The following DGKD variants were observed in gnomAD, a reference collection of about 807,000 sequenced individuals.
DGKD encodes DAG kinase delta.
Under a neutral mutation model 154.4 loss-of-function variants are expected in DGKD, and 68 were observed. The ratio of observed to expected loss-of-function variants is 0.44; its 90% confidence interval spans 0.36 to 0.54. The LOEUF (loss-of-function observed/expected upper bound fraction) is 0.54, where lower values mean the gene tolerates loss of function less well. Among genes scored for constraint, DGKD ranks in the 20% least tolerant of loss-of-function variants. DGKD has a pLI of 0.00. For missense variants in DGKD, 1,343 were observed against 1,593.6 expected, an observed-to-expected ratio of 0.84 and a Z score of 2.68; for synonymous variants, 693 against 638.0, an observed-to-expected ratio of 1.09 and a Z score of -1.30.
chr2:233,453,843 C>T lies in DGKD; in HGVS notation c.2265-920C>T, dbSNP rs560970990. Among the ~76,000 whole-genome samples the T allele has an allele frequency of 4.1e-5, 6 of 147,568 alleles. No homozygotes were observed. The East Asian group carries it at 1.2e-3, about 29-fold the overall frequency. ...GGGGAGAAGAAACTTGAATGAGTCTCTTCTCGTCTGTCGCACACGGGGAAA... is the reference window on the plus strand; with the variant it reads ...GGGGAGAAGAAACTTGAATGAGTCTTTTCTCGTCTGTCGCACACGGGGAAA... On this transcript the variant is annotated intron_variant, in intron 18 of 29. Transcript: ENST00000264057.
At chr2:233,388,491 G>A in intron 2 of DGKD, 124 bp downstream of exon 2, 1 of 862,614 alleles carries the variant, frequency 1.2e-6, no homozygotes, top group East Asian at 2.7e-5. Context: ...TTGCCAGTGA[G>A]TTTTGTAACA....
intron 24 of DGKD, among the ~76,000 whole-genome samples, chr2:233,461,725 C>T (rs867066466): frequency 1.3e-5 from 2 of 152,392 alleles, no homozygotes; most frequent in Middle Eastern, 6.8e-3. Context: ...AAGCTGCTGG[C>T]AGCGGCCTGT....
At position 233,423,103 on chromosome 2, in the gene DGKD, TTATTACTGAGTAG is replaced by T. The variant is rs377045943; in HGVS notation, c.349-11272_349-11260del. ...GAGTCTTATCAGTGGTTGTTCCTTT[TTATTACTGAGTAG>T]TATTCCACGGGTGTACCACAGTTTG... On this transcript the variant is annotated intron_variant, in intron 3 of 29. Coordinates refer to ENST00000264057, the MANE Select transcript of DGKD (RefSeq NM_152879.3). Among the ~76,000 whole-genome samples, 1,448 of 152,344 alleles carry T rather than the reference TTATTACTGAGTAG, an allele frequency of 9.5e-3. 13 individuals carry two copies. The highest frequency in any genetic ancestry group is 0.027 in the Admixed American group (406 of 15,304).
At chr2:233,423,140 T>C (rs1445332221) in intron 3 of DGKD, among the ~76,000 whole-genome samples, 1 of 152,216 alleles carries the variant, frequency 6.6e-6, no homozygotes, top group East Asian at 1.9e-4. Context: ...TACCACAGTT[T>C]GTTAATCATT....
intron 1 of DGKD, among the ~76,000 whole-genome samples, chr2:233,361,531 C>T (rs991813317): frequency 1.3e-5 from 2 of 152,162 alleles, no homozygotes; most frequent in Admixed American, 1.3e-4. Flanking sequence ...TAGACAGACC[C>T]ACAGGGCTTC....
chr2:233,412,217 A>G (rs2061846553), intron 3 of DGKD, among the ~76,000 whole-genome samples: 1 of 152,240 alleles, frequency 6.6e-6, no homozygotes, highest in South Asian at 2.1e-4. Flanking sequence ...TCTTAATAAC[A>G]TTGAATCTTT....
intron 24 of DGKD, among the ~76,000 whole-genome samples, chr2:233,461,018 TAAAAAA>T: frequency 7.3e-6 from 1 of 137,568 alleles, no homozygotes; most frequent in East Asian, 2.1e-4. Context: ...AAGTTTACTT[TAAAAAA>T]AAAAAAAAAA....
intron 2 of DGKD, among the ~76,000 whole-genome samples, chr2:233,389,185 T>C (rs557978005): frequency 2.6e-5 from 4 of 152,358 alleles, no homozygotes; most frequent in African/African-American, 9.6e-5. Context: ...GAGCTGAGCT[T>C]CTTGATGTGT....
Position 233,445,658 on chromosome 2 carries a change from C to G in DGKD, c.1230C>G (p.Asn410Lys). ...QLGVLPLGTG[N>K]DLARVLGWGS... Reference sequence around the variant, plus strand: ...GAGTGCTGCCGCTCGGCACAGGGAACGACTTGGCCCGAGTACTGGGCTGGG... The same window carrying G: ...GAGTGCTGCCGCTCGGCACAGGGAAGGACTTGGCCCGAGTACTGGGCTGGG... Residue 410 changes from asparagine (N) to lysine (K), a missense_variant, in exon 11 of 30, where the codon AAC becomes AAG. Coordinates refer to ENST00000264057, the MANE Select transcript of DGKD (RefSeq NM_152879.3). The surrounding 1 kb of genome is among the most constrained non-coding windows in gnomAD (Gnocchi z 5.5). 6.2e-7 allele frequency: 1 copy of G among 1,612,766 alleles called. No individual in the cohort carries two copies. The highest frequency in any genetic ancestry group is 8.5e-7 in the Non-Finnish European group (1 of 1,179,368).
At chr2:233,469,053 C>T (rs1259403296) in intron 29 of DGKD, among the ~76,000 whole-genome samples, 1 of 152,190 alleles carries the variant, frequency 6.6e-6, no homozygotes, top group Admixed American at 6.5e-5. Context: ...CCCGAGAGGG[C>T]AAAAGGCCAC....
At chr2:233,409,369 A>G (rs1442963069) in intron 3 of DGKD, among the ~76,000 whole-genome samples, 1 of 152,080 alleles carries the variant, frequency 6.6e-6, no homozygotes, top group African/African-American at 2.4e-5. Flanking sequence ...TTCTTTGAGA[A>G]AAGACCTGGG....
intron 1 of DGKD, among the ~76,000 whole-genome samples, chr2:233,356,480 C>G (rs1701539337): frequency 6.6e-6 from 1 of 152,162 alleles, no homozygotes; most frequent in African/African-American, 2.4e-5. Context: ...AGGCAAGGTA[C>G]TGACCAGTGT....
Position 233,390,407 on chromosome 2 carries a change from T to C in DGKD, c.272T>C (p.Ile91Thr). The C allele has an allele frequency of 6.2e-7, 1 of 1,613,790 alleles. No homozygotes were observed. Among genetic ancestry groups the C allele is most frequent in the Non-Finnish European group, 8.5e-7 (1 of 1,179,794 alleles). The change falls in exon 3 of 30, where the codon ATC becomes ACC. Residue 91 changes from isoleucine (I) to threonine (T), a missense_variant. Physicochemically the swap from Ile to Thr is moderately conservative, Grantham distance 89. Around this residue, in one of 6 missense-constraint regions of DGKD, gnomAD observed 332 missense variants for 400.1 expected, o/e 0.83. Transcript: ENST00000264057. ...CCTGTGTTTGTCTCTTTCTAGTCAA[T>C]CATATTTGATGAGGTGGATCTGACA... The part of the protein sequence containing the change: ...TLYYAKTAKS[I>T]IFDEVDLTDA...
At position 233,470,493 on chromosome 2, in the gene DGKD, C is replaced by A. The variant is rs73997607; in HGVS notation, c.*1033C>A. The A allele has an allele frequency of 0.03, 4,643 of 152,852 alleles. 228 individuals carry two copies. Among genetic ancestry groups the A allele is most frequent in the African/African-American group, 0.11 (4,429 of 41,552 alleles). 9.5% of individuals were successfully genotyped at this position (152,852 alleles called of 1,614,324 possible). ...TGTCGCCTGCTGCTGGGCGTGATGT[C>A]GCTGGAGGTGCTGGCAGGGACTCTG... is the stretch of plus-strand genomic sequence containing the variant. On this transcript the variant is annotated 3_prime_UTR_variant, in exon 30 of 30. Transcript: ENST00000264057.
chr2:233,459,941 G>A lies in DGKD; in HGVS notation c.2829+50G>A, dbSNP rs1206938129. The A allele has an allele frequency of 6.3e-7, 1 of 1,589,180 alleles. No individual in the cohort carries two copies. Among genetic ancestry groups the A allele is most frequent in the Admixed American group, 1.8e-5 (1 of 55,712 alleles). On this transcript the variant is annotated intron_variant, in intron 23 of 29. Coordinates refer to ENST00000264057, the MANE Select transcript of DGKD (RefSeq NM_152879.3). The surrounding 1 kb of genome is among the most constrained non-coding windows in gnomAD (Gnocchi z 5.7). ...TGGGTGGGGTACAGGGCTCACCTGT[G>A]GGCTCTTGTGTGCACTGTTAAGAGC...
At chr2:233,432,532 G>T (rs188506383) in intron 3 of DGKD, among the ~76,000 whole-genome samples, 1 of 152,128 alleles carries the variant, frequency 6.6e-6, no homozygotes, top group Non-Finnish European at 1.5e-5. Context: ...GGTGGCGGGC[G>T]CCTGTAGTCC....
intron 3 of DGKD, among the ~76,000 whole-genome samples, chr2:233,411,094 A>G (rs536119639): frequency 5.3e-5 from 8 of 152,104 alleles, no homozygotes; most frequent in African/African-American, 1.7e-4. Context: ...TGTCTATTCT[A>G]TTGGTGGGCA....
intron 19 of DGKD, among the ~76,000 whole-genome samples, chr2:233,456,086 C>T (rs989369357): frequency 6.6e-6 from 1 of 152,212 alleles, no homozygotes; most frequent in African/African-American, 2.4e-5. Context: ...TCAAACCTCT[C>T]TTGAGTTTGT....
intron 18 of DGKD, among the ~76,000 whole-genome samples, chr2:233,453,715 C>T (rs1040666284): frequency 1.3e-5 from 2 of 152,150 alleles, no homozygotes; most frequent in African/African-American, 2.4e-5. Flanking sequence ...CACTTGCCCT[C>T]GGGGGGAAAC....
Sources: allele counts gnomAD v4.1 joint callset (sites outside exome capture counted in the v4.1 genomes callset), GRCh38; gene constraint gnomAD v4.1.1; regional missense constraint gnomAD v4.1.1; non-coding constraint Gnocchi (gnomAD v3.1); transcripts MANE v1.5; gene names NCBI Gene and HGNC (gene_info 2026-07-23, HGNC 2026-07-21).